Variants in BABAM2 observed in about 807,000 individuals in gnomAD.
BABAM2 encodes the protein BRISC and BRCA1-A complex member 2.
In BABAM2, 31 loss-of-function variants were observed where a neutral mutation model predicts 54.7. The observed-to-expected ratio is 0.57, with a 90% CI of 0.43 to 0.77. The LOEUF (loss-of-function observed/expected upper bound fraction) is 0.77, where lower values mean the gene tolerates loss of function less well. Among genes scored for constraint, BABAM2 ranks in the 30% least tolerant of loss-of-function variants. The pLI, the probability that BABAM2 is intolerant of heterozygous loss-of-function variation, is 0.00. For missense variants in BABAM2, 364 were observed against 455.8 expected, an observed-to-expected ratio of 0.80 and a Z score of 1.83; for synonymous variants, 167 against 162.9, an observed-to-expected ratio of 1.03 and a Z score of -0.19.
chr2:27,959,435 A>G (rs1363506403), intron 3 of BABAM2, among the ~76,000 whole-genome samples: 2 of 152,210 alleles, frequency 1.3e-5, no homozygotes, highest in African/African-American at 2.4e-5. Flanking sequence ...GATATATCCA[A>G]TCTTTATGTA....
At chr2:28,186,597 CACAGAG>C (rs956005712) in intron 7 of BABAM2, among the ~76,000 whole-genome samples, 10 of 150,896 alleles carry the variant, frequency 6.6e-5, no homozygotes, top group East Asian at 5.8e-4. Flanking sequence ...TCAAAAAAGA[CACAGAG>C]ACAGAGACAG....
Position 28,026,862 on chromosome 2 carries a change from AGAT to A in BABAM2, c.495+1443_495+1445del, listed in dbSNP as rs1558667248. Among the ~76,000 whole-genome samples the A allele has an allele frequency of 6.1e-5, 5 of 81,786 alleles. 1 individual carries two copies. The East Asian group carries it at 1.1e-3, about 18-fold the overall frequency. 53.7% of individuals were successfully genotyped at this position (81,786 alleles called of 152,430 possible). On this transcript the variant is annotated intron_variant, in intron 5 of 11. Transcript: ENST00000379624. ...TATATAAATATATATTTATATATAT[AGAT>A]ATATATATTTATATATATATAGATA...
rs139277215 is a variant in BABAM2, at chr2:28,155,677, A to G, written c.680+26297A>G. On this transcript the variant is annotated intron_variant, in intron 7 of 11. Coordinates refer to ENST00000379624, the MANE Select transcript of BABAM2 (RefSeq NM_199191.3). ...AACAAATATTTGTGTGCTGAGGGCC[A>G]GGTGCTGGAGATAATGAGCTATAAA... is the stretch of plus-strand genomic sequence containing the variant. Among the ~76,000 whole-genome samples the G allele has an allele frequency of 8.6e-3, 1,315 of 152,346 alleles. 19 individuals are homozygous for G. The highest frequency in any genetic ancestry group is 0.03 in the African/African-American group (1,256 of 41,586).
intron 7 of BABAM2, among the ~76,000 whole-genome samples, chr2:28,138,883 G>T (rs1248158656): frequency 6.6e-6 from 1 of 152,104 alleles, no homozygotes; most frequent in African/African-American, 2.4e-5. Context: ...TTCTTTGCTA[G>T]ATTAATCTCA....
At chr2:28,334,581 G>A (rs934994764) in intron 11 of BABAM2, among the ~76,000 whole-genome samples, 5 of 152,256 alleles carry the variant, frequency 3.3e-5, no homozygotes, top group Admixed American at 6.5e-5. Context: ...TGCACATCAG[G>A]CCAGAGTCCA....
At chr2:28,245,016 T>C (rs1364021323) in intron 10 of BABAM2, among the ~76,000 whole-genome samples, 154 bp downstream of exon 10, 1 of 152,082 alleles carries the variant, frequency 6.6e-6, no homozygotes, top group African/African-American at 2.4e-5. Flanking sequence ...GGAGAAAATA[T>C]CTCTAGGCCG....
intron 6 of BABAM2, among the ~76,000 whole-genome samples, chr2:28,059,714 G>T (rs1447356858): frequency 1.3e-5 from 2 of 152,152 alleles, no homozygotes; most frequent in Non-Finnish European, 2.9e-5. Flanking sequence ...AGTGAATAGT[G>T]GAGTATTCCA....
intron 6 of BABAM2, among the ~76,000 whole-genome samples, chr2:28,117,943 T>G (rs1251573224): frequency 6.6e-6 from 1 of 152,208 alleles, no homozygotes; most frequent in Non-Finnish European, 1.5e-5. Context: ...TCTTCTACCT[T>G]TTCTTTAAGT....
intron 6 of BABAM2, among the ~76,000 whole-genome samples, chr2:28,076,758 G>A (rs180932659): frequency 1.5e-3 from 225 of 152,002 alleles, no homozygotes; most frequent in African/African-American, 5.2e-3. Flanking sequence ...CACCCGCTTC[G>A]GCCTCCCAAA....
Position 28,325,142 on chromosome 2 carries a change from C to T in BABAM2, c.1089-13308C>T, listed in dbSNP as rs1049777469. Among the ~76,000 whole-genome samples, 3 of 152,162 alleles carry T rather than the reference C, an allele frequency of 2.0e-5. No individual in the cohort carries two copies. Among genetic ancestry groups the T allele is most frequent in the Non-Finnish European group, 4.4e-5 (3 of 68,030 alleles). ...GAACCCACTAAATGGATTTTGTGAT[C>T]CACTGTTTGAACAAGCCTTCTTTAC... On this transcript the variant is annotated intron_variant, in intron 11 of 11. Transcript: ENST00000379624. The surrounding 1 kb of genome is among the most constrained non-coding windows in gnomAD (Gnocchi z 4.3).
intron 7 of BABAM2, among the ~76,000 whole-genome samples, chr2:28,203,476 G>T (rs944755798): frequency 1.3e-5 from 2 of 152,160 alleles, no homozygotes; most frequent in Non-Finnish European, 2.9e-5. Flanking sequence ...CATCATACTG[G>T]TTAGTTGATA....
intron 7 of BABAM2, among the ~76,000 whole-genome samples, chr2:28,208,572 C>T (rs920416856): frequency 1.2e-4 from 18 of 151,892 alleles, no homozygotes; most frequent in African/African-American, 3.9e-4. Flanking sequence ...TGTTTTTTTC[C>T]TTTCTTCCTT....
chr2:28,171,080 C>T (rs1208918978), intron 7 of BABAM2, among the ~76,000 whole-genome samples: 1 of 151,188 alleles, frequency 6.6e-6, no homozygotes. Context: ...TGGTAGCATG[C>T]TGTACATACT....
intron 7 of BABAM2, among the ~76,000 whole-genome samples, chr2:28,136,833 T>C (rs1670588252): frequency 1.3e-5 from 2 of 152,154 alleles, no homozygotes; most frequent in Non-Finnish European, 2.9e-5. Context: ...GAAACTTGGC[T>C]AAAGGACCTA....
intron 3 of BABAM2, among the ~76,000 whole-genome samples, chr2:27,954,659 T>C (rs186907481): frequency 2.6e-5 from 4 of 152,314 alleles, no homozygotes; most frequent in African/African-American, 9.6e-5. Context: ...TCTTGGAGCA[T>C]GAACTGGACT....
intron 7 of BABAM2, among the ~76,000 whole-genome samples, chr2:28,178,147 C>T (rs2147873192): frequency 6.6e-6 from 1 of 152,170 alleles, no homozygotes; most frequent in Non-Finnish European, 1.5e-5. Context: ...ACCAAATGGA[C>T]CTAACAGACA....
At chr2:27,924,715 G>A (rs1011742970) in intron 2 of BABAM2, among the ~76,000 whole-genome samples, 2 of 151,948 alleles carry the variant, frequency 1.3e-5, no homozygotes, top group South Asian at 2.1e-4. Context: ...ACAGAAAAAC[G>A]AGCACCCTCC....
At chr2:28,171,440 G>C (rs1674312851) in intron 7 of BABAM2, among the ~76,000 whole-genome samples, 1 of 152,294 alleles carries the variant, frequency 6.6e-6, no homozygotes, top group Non-Finnish European at 1.5e-5. Context: ...CAACCACTGC[G>C]TGCATTTACA....
intron 7 of BABAM2, among the ~76,000 whole-genome samples, chr2:28,145,444 C>T (rs2147758850): frequency 6.6e-6 from 1 of 152,272 alleles, no homozygotes; most frequent in East Asian, 1.9e-4. Context: ...TACTAAGGGC[C>T]AAAGGAAAAT....
Sources: gnomAD v4.1 joint callset for allele counts (sites outside exome capture counted in the v4.1 genomes callset) on GRCh38, gnomAD v4.1.1 for gene constraint, Gnocchi (gnomAD v3.1) non-coding constraint, MANE v1.5 for transcripts, NCBI Gene and HGNC (gene_info 2026-07-23, HGNC 2026-07-21) for gene names.